Variants in CELSR2 observed in about 807,000 individuals in gnomAD.
The protein encoded by CELSR2 is EGF-like protein 2.
In CELSR2, 81 loss-of-function variants were observed where a neutral mutation model predicts 251.6. The ratio of observed to expected loss-of-function variants is 0.32; its 90% CI spans 0.27 to 0.39. The LOEUF is 0.39. Ranked by LOEUF, CELSR2 falls within the 10% of genes least tolerant of loss-of-function variation. The pLI, the probability that CELSR2 is intolerant of heterozygous loss-of-function variation, is 1.00. For synonymous variants in CELSR2, 1,721 were observed against 1,670.5 expected (o/e 1.03, Z -0.74); for missense variants, 3,365 against 3,947.7 (o/e 0.85, Z 3.96).
Position 109,272,912 on chromosome 1 carries a change from C to A in CELSR2, c.8223C>A (p.Asp2741Glu). 6.2e-7 allele frequency: 1 copy of A among 1,613,914 alleles called. No individual in the cohort carries two copies. The highest frequency in any genetic ancestry group is 1.1e-5 in the South Asian group (1 of 91,076). ...CCTATGCCTCTACCCACTCATCAGA[C>A]AGTGAGGAGGAAGAAGAGGAGGAGG... Reference protein sequence around the residue: ...SGSYASTHSSDSEEEEEEEEE... With the variant: ...SGSYASTHSSESEEEEEEEEE... The change falls in exon 31 of 34, where the codon GAC (aspartate) becomes GAA (glutamate). Residue 2741 changes from aspartate to glutamate, a missense_variant. Around this residue, in one of 5 missense-constraint regions of CELSR2, gnomAD observed 2,093 missense variants for 2,382.8 expected, o/e 0.88. Transcript: ENST00000271332.
At position 109,251,780 on chromosome 1, in the gene CELSR2, A is replaced by T; in HGVS notation, c.1701A>T (p.Glu567Asp). The T allele has an allele frequency of 6.2e-7, 1 of 1,614,102 alleles. No individual in the cohort carries two copies. ...NGTGWISVAA[E>D]LDREEVDFYS... Reference sequence around the variant, plus strand: ...CAGGCTGGATCTCTGTGGCTGCTGAACTGGACCGGGAGGAAGTTGATTTCT... The same window carrying T: ...CAGGCTGGATCTCTGTGGCTGCTGATCTGGACCGGGAGGAAGTTGATTTCT... The change falls in exon 1 of 34, where the codon GAA becomes GAT. Residue 567 changes from glutamate to aspartate, a missense_variant. By Grantham distance (45) the Glu-to-Asp change is conservative (BLOSUM62 2). Coordinates refer to ENST00000271332, the MANE Select transcript of CELSR2 (RefSeq NM_001408.3). This position sits in a 1 kb window ranked among gnomAD's most constrained non-coding sequence, Gnocchi z 4.9.
Position 109,250,236 on chromosome 1 carries a change from C to T in CELSR2, c.157C>T (p.Pro53Ser). The change falls in exon 1 of 34, where the codon CCC (proline) becomes TCC (serine). Residue 53 changes from proline to serine, a missense_variant. Pro to Ser is a moderately conservative substitution (Grantham distance 74). This residue lies in a region of CELSR2 where 704 missense variants were observed against 784.1 expected (regional missense o/e 0.90). Transcript: ENST00000271332. This position sits in a 1 kb window ranked among gnomAD's most constrained non-coding sequence, Gnocchi z 4.4. ...ACGAGGCTCTTCGGGGGCCTGCGCC[C>T]CCATGGGCTGGCTCTGTCCATCCTC... ...RGRGSSGACA[P>S]MGWLCPSSAS... The T allele has an allele frequency of 6.2e-7, 1 of 1,608,386 alleles. No homozygotes were observed. The highest frequency in any genetic ancestry group is 8.5e-7 in the Non-Finnish European group (1 of 1,177,494).
In CELSR2 at chr1:109,272,906, A is replaced by C. The variant is rs201241773; in HGVS notation, c.8217A>C (p.Ser2739=). The change falls in exon 31 of 34, where the codon TCA becomes TCC. Residue 2739 remains serine, a synonymous_variant. Transcript: ENST00000271332. ...GTGGCTCCTATGCCTCTACCCACTCATCAGACAGTGAGGAGGAAGAAGAGG... is the reference window on the plus strand; with the variant it reads ...GTGGCTCCTATGCCTCTACCCACTCCTCAGACAGTGAGGAGGAAGAAGAGG... ...DQSGSYASTH[S]SDSEEEEEEE... is the part of the protein sequence containing the mutation. 776 of 1,613,880 alleles carry C rather than the reference A, an allele frequency of 4.8e-4. 1 individual carries two copies. The highest frequency in any genetic ancestry group is 5.6e-4 in the Non-Finnish European group (658 of 1,179,930).
At position 109,261,238 on chromosome 1, in the gene CELSR2, G is replaced by C; in HGVS notation, c.4155G>C (p.Gln1385His). 2 of 1,613,680 alleles carry C rather than the reference G, an allele frequency of 1.2e-6. No individual in the cohort carries two copies. Among genetic ancestry groups the C allele is most frequent in the Non-Finnish European group, 1.7e-6 (2 of 1,180,028 alleles). Residue 1385 changes from glutamine (Q) to histidine (H), a missense_variant, in exon 3 of 34, where the codon CAG becomes CAC. Gln to His is a conservative substitution (Grantham distance 24). Transcript: ENST00000271332. The surrounding 1 kb of genome is among the most constrained non-coding windows in gnomAD (Gnocchi z 4.8). Reference protein sequence around the residue: ...HSFITFRGLRQRFHFTLALSF... With the variant: ...HSFITFRGLRHRFHFTLALSF... ...TCATCACCTTTCGCGGCCTGCGCCA[G>C]CGTTTCCACTTCACCCTGGCCCTCT...
chr1:109,273,980 T>A, intron 33 of CELSR2, 42 bp from the exon 34 acceptor site: 2 of 1,611,254 alleles, frequency 1.2e-6, no homozygotes, highest in Non-Finnish European at 1.7e-6. Context: ...CAACTAACCC[T>A]CTGTCTGCCT....
intron 1 of CELSR2, among the ~76,000 whole-genome samples, chr1:109,256,644 TTTTG>T (rs71069670): frequency 2.0e-5 from 3 of 151,544 alleles, no homozygotes; most frequent in East Asian, 1.9e-4. Flanking sequence ...TGCTATGTGG[TTTTG>T]TTTGTTTGTT....
In CELSR2 at chr1:109,270,615, TCCCA is replaced by T; in HGVS notation, c.7483+16_7483+19del. ...CTTCATCACAGGTACTCCCACCCAT[TCCCA>T]GTCTTGGGGTCCCACATCCCTGGGT... On this transcript the variant is annotated intron_variant, in intron 24 of 33. Coordinates refer to ENST00000271332, the MANE Select transcript of CELSR2 (RefSeq NM_001408.3). 1 of 496,684 alleles carries T rather than the reference TCCCA, an allele frequency of 2.0e-6. No homozygotes were observed. Among genetic ancestry groups the T allele is most frequent in the South Asian group, 3.1e-5 (1 of 32,616 alleles). 30.8% of individuals were successfully genotyped at this position (496,684 alleles called of 1,614,324 possible).
chr1:109,261,105 G>A lies in CELSR2; in HGVS notation c.4022G>A (p.Gly1341Asp). The part of the protein sequence containing the change: ...RCTPGVCKNG[G>D]TCVNLLVGGF... Reference sequence around the variant, plus strand: ...ACCCCGGGTGTCTGCAAGAATGGGGGCACCTGTGTCAACCTGCTGGTGGGC... The same window carrying A: ...ACCCCGGGTGTCTGCAAGAATGGGGACACCTGTGTCAACCTGCTGGTGGGC... The change falls in exon 3 of 34, where the codon GGC (glycine) becomes GAC (aspartate). Residue 1341 changes from glycine to aspartate, a missense_variant. This residue lies in a region of CELSR2 where 2,093 missense variants were observed against 2,382.8 expected (regional missense o/e 0.88). Coordinates refer to ENST00000271332, the MANE Select transcript of CELSR2 (RefSeq NM_001408.3). The surrounding 1 kb of genome is among the most constrained non-coding windows in gnomAD (Gnocchi z 4.8). The A allele has an allele frequency of 6.2e-7, 1 of 1,614,120 alleles. No individual in the cohort carries two copies. The highest frequency in any genetic ancestry group is 8.5e-7 in the Non-Finnish European group (1 of 1,180,010).
Position 109,267,991 on chromosome 1 carries a change from G to A in CELSR2, c.6249G>A (p.Arg2083=). The stretch of plus-strand genomic sequence containing the variant: ...AGGTGGCCTACCAGCTGGCCACGCG[G>A]CTGCTGGCCCACGAGAGCACCCAGC... The part of the protein sequence containing the change: ...DVKVAYQLAT[R]LLAHESTQRG... Residue 2083 remains arginine (R), a synonymous_variant, in exon 17 of 34, where the codon CGG becomes CGA. Coordinates refer to ENST00000271332, the MANE Select transcript of CELSR2 (RefSeq NM_001408.3). The A allele has an allele frequency of 9.3e-6, 15 of 1,610,658 alleles. No homozygotes were observed. Among genetic ancestry groups the A allele is most frequent in the Non-Finnish European group, 1.2e-5 (14 of 1,179,690 alleles).
chr1:109,258,227 C>T (rs1345038755), intron 1 of CELSR2, among the ~76,000 whole-genome samples: 2 of 152,098 alleles, frequency 1.3e-5, no homozygotes, highest in Non-Finnish European at 2.9e-5. Context: ...CGTGCATCAG[C>T]GACAGAAGGT....
At position 109,252,423 on chromosome 1, in the gene CELSR2, A is replaced by T; in HGVS notation, c.2344A>T (p.Thr782Ser). The change falls in exon 1 of 34, where the codon ACC becomes TCC. Residue 782 changes from threonine (T) to serine (S), a missense_variant. Physicochemically the swap from Thr to Ser is moderately conservative, Grantham distance 58 (BLOSUM62 1). Transcript: ENST00000271332. This position sits in a 1 kb window ranked among gnomAD's most constrained non-coding sequence, Gnocchi z 4.8. ...GGACTATGAAGACCAAGTGTCTTAC[A>T]CCCTGGCCATTACTGCTCGGGACAA... ...ELDYEDQVSYTLAITARDNGI... is the reference protein window; with the variant it reads ...ELDYEDQVSYSLAITARDNGI... The T allele has an allele frequency of 6.2e-7, 1 of 1,613,390 alleles. No individual in the cohort carries two copies. The highest frequency in any genetic ancestry group is 8.5e-7 in the Non-Finnish European group (1 of 1,180,010).
chr1:109,259,305 G>T (rs556655722), intron 2 of CELSR2, among the ~76,000 whole-genome samples: 1 of 152,354 alleles, frequency 6.6e-6, no homozygotes, highest in Admixed American at 6.5e-5. Context: ...CAGTGCCATT[G>T]TGGGCAGAGC....
At chr1:109,270,732 C>G in intron 24 of CELSR2, 132 bp downstream of exon 24, 4 of 1,245,730 alleles carry the variant, frequency 3.2e-6, no homozygotes, top group Middle Eastern at 1.9e-4. Flanking sequence ...CACAGGTGTC[C>G]CTCTGGTTTA....
Position 109,258,678 on chromosome 1 carries a change from C to G in CELSR2, c.3557C>G (p.Ser1186Trp). ...GGCCACATCCTCAACGTGAGCCTGT[C>G]GGTGGGCCAGCCGCCAGGGCCCGGG... Reference protein sequence around the residue: ...PGGHILNVSLSVGQPPGPGGG... With the variant: ...PGGHILNVSLWVGQPPGPGGG... The change falls in exon 2 of 34, where the codon TCG becomes TGG. Residue 1186 changes from serine to tryptophan, a missense_variant. This residue lies in a region of CELSR2 where 2,093 missense variants were observed against 2,382.8 expected (regional missense o/e 0.88). Transcript: ENST00000271332. The G allele has an allele frequency of 2.6e-6, 4 of 1,548,096 alleles. No individual in the cohort carries two copies. The South Asian group carries it at 3.6e-5, about 14-fold the overall frequency.
chr1:109,264,602 A>G lies in CELSR2; in HGVS notation c.5438A>G (p.Asp1813Gly). 1 of 1,613,668 alleles carries G rather than the reference A, an allele frequency of 6.2e-7. No homozygotes were observed. Among genetic ancestry groups the G allele is most frequent in the Non-Finnish European group, 8.5e-7 (1 of 1,179,600 alleles). Residue 1813 changes from aspartate to glycine, a missense_variant, in exon 11 of 34, where the codon GAC becomes GGC. Around this residue, in one of 5 missense-constraint regions of CELSR2, gnomAD observed 2,093 missense variants for 2,382.8 expected, o/e 0.88. Coordinates refer to ENST00000271332, the MANE Select transcript of CELSR2 (RefSeq NM_001408.3). Reference protein sequence around the residue: ...PANSYCSNDWDSYSCSCDPGY... With the variant: ...PANSYCSNDWGSYSCSCDPGY... ...AACAGCTATTGCAGCAACGACTGGGACAGCTATTCCTGCAGCTGTGATCCA... is the reference window on the plus strand; with the variant it reads ...AACAGCTATTGCAGCAACGACTGGGGCAGCTATTCCTGCAGCTGTGATCCA...
intron 15 of CELSR2, among the ~76,000 whole-genome samples, chr1:109,266,837 A>C (rs1656210127): frequency 6.7e-6 from 1 of 149,840 alleles, no homozygotes; most frequent in African/African-American, 2.5e-5. Context: ...CTCCTACCTC[A>C]GCCTTCCGAG....
Position 109,261,980 on chromosome 1 carries a change from T to C in CELSR2, c.4386+84T>C. 1 of 1,405,948 alleles carries C rather than the reference T, an allele frequency of 7.1e-7. No homozygotes were observed. The highest frequency in any genetic ancestry group is 9.8e-7 in the Non-Finnish European group (1 of 1,016,078). 87.1% of individuals were successfully genotyped at this position (1,405,948 alleles called of 1,614,324 possible). ...GCCCTGAGTGGCATTGCCTCCAGGC[T>C]TGGGTGGGCTGGTCAGGGCATTTCT... On this transcript the variant is annotated intron_variant, in intron 5 of 33. Coordinates refer to ENST00000271332, the MANE Select transcript of CELSR2 (RefSeq NM_001408.3). This position sits in a 1 kb window ranked among gnomAD's most constrained non-coding sequence, Gnocchi z 4.8.
intron 1 of CELSR2, among the ~76,000 whole-genome samples, chr1:109,255,021 G>A (rs541901800): frequency 4.6e-4 from 70 of 152,282 alleles, no homozygotes; most frequent in African/African-American, 1.6e-3. Context: ...TTAAGCCTTC[G>A]GTCTCCCACC....
Position 109,253,387 on chromosome 1 carries a change from C to T in CELSR2, c.3308C>T (p.Ser1103Leu). 6.2e-7 allele frequency: 1 copy of T among 1,611,610 alleles called. No individual in the cohort carries two copies. Among genetic ancestry groups the T allele is most frequent in the South Asian group, 1.1e-5 (1 of 90,996 alleles). ...PLEAIMSVLV[S>L]DGVHSVTAQC... ...GAGGCCATCATGAGCGTGCTGGTGT[C>T]AGGTAAGGAAGGGCCCAGGTGGCGC... Residue 1103 changes from serine (S) to leucine (L), a missense_variant and splice_region_variant, in exon 1 of 34, where the codon TCA becomes TTA. This residue lies in a region of CELSR2 where 505 missense variants were observed against 660.0 expected (regional missense o/e 0.77). Transcript: ENST00000271332.
Sources: gnomAD v4.1 joint callset for allele counts (sites outside exome capture counted in the v4.1 genomes callset) on GRCh38, gnomAD v4.1.1 for gene constraint, gnomAD v4.1.1 regional missense constraint, Gnocchi (gnomAD v3.1) non-coding constraint, MANE v1.5 for transcripts, NCBI Gene and HGNC (gene_info 2026-07-23, HGNC 2026-07-21) for gene names.